Variants in CRTC3 observed in about 807,000 individuals in gnomAD.
CRTC3 encodes the protein CREB-regulated transcription coactivator 3.
CRTC3 carries 26 observed loss-of-function variants against 74.5 expected under a neutral mutation model. The ratio of observed to expected loss-of-function variants is 0.35; its 90% CI spans 0.26 to 0.48. CRTC3 has a LOEUF of 0.48. CRTC3 is among the 20% of genes least tolerant of loss of function. CRTC3 has a pLI of 0.99. For missense variants in CRTC3, 760 were observed against 787.3 expected (o/e 0.97, Z 0.41); for synonymous variants, 377 against 325.8 (o/e 1.16, Z -1.69).
intron 8 of CRTC3, 53 bp from the exon 9 acceptor site, chr15:90,619,688 A>G: frequency 6.5e-7 from 1 of 1,541,346 alleles, no homozygotes; most frequent in Non-Finnish European, 9.0e-7. Context: ...CTTTTCAAAA[A>G]CTTGAATTTG....
At chr15:90,611,868 T>C (rs1431183958) in intron 6 of CRTC3, among the ~76,000 whole-genome samples, 3 of 152,162 alleles carry the variant, frequency 2.0e-5, no homozygotes, top group Non-Finnish European at 4.4e-5. Context: ...TTAACTCTGA[T>C]CATGTCACTT....
In CRTC3 at chr15:90,537,319, G is replaced by A. The variant is rs146986144; in HGVS notation, c.133-2720G>A. Among the ~76,000 whole-genome samples, 506 of 152,316 alleles carry A rather than the reference G, an allele frequency of 3.3e-3. 4 individuals are homozygous for A. The highest frequency in any genetic ancestry group is 0.012 in the African/African-American group (485 of 41,570). On this transcript the variant is annotated intron_variant, in intron 1 of 14. Transcript: ENST00000268184. ...ATCCTCACTTTATCTTGTGCAGGAG[G>A]CGTCAGAGTTGTTTGCCCAACCACA...
chr15:90,603,766 A>G (rs1567180814), intron 4 of CRTC3, among the ~76,000 whole-genome samples: 1 of 152,194 alleles, frequency 6.6e-6, no homozygotes. Context: ...CTGACTGAGA[A>G]CTTACTGTGT....
Position 90,631,072 on chromosome 15 carries a change from C to T in CRTC3, c.1266+1540C>T, listed in dbSNP as rs1191182950. 1.4e-5 allele frequency among the ~76,000 whole-genome samples: 2 copies of T among 143,612 alleles called. 1 individual carries two copies. The highest frequency in any genetic ancestry group is 5.1e-5 in the African/African-American group (2 of 39,250). The allele number at this position is 143,612 out of a possible 152,430, so 94.2% of individuals were successfully genotyped here. ...GATTACAGGCGTGAGCCACCGCGCC[C>T]GGCCTATTACAGCATCATTAACTAC... On this transcript the variant is annotated intron_variant, in intron 11 of 14. Transcript: ENST00000268184.
chr15:90,637,573 T>G (rs1969287032), intron 11 of CRTC3, among the ~76,000 whole-genome samples: 1 of 152,092 alleles, frequency 6.6e-6, no homozygotes, highest in South Asian at 2.1e-4. Context: ...GAAAAAGAAA[T>G]TTCTTCTAAA....
chr15:90,638,664 C>G lies in CRTC3; in HGVS notation c.1467+18C>G, dbSNP rs201691468. On this transcript the variant is annotated intron_variant, in intron 12 of 14. Transcript: ENST00000268184. ...CGGCCCAGGTGAGTTCTGGCAGGAG[C>G]GTTGGTGCAGAGGGAATGCTTGTTT... The G allele has an allele frequency of 8.9e-5, 143 of 1,613,092 alleles. No individual in the cohort carries two copies. The African/African-American group carries it at 1.8e-3, about 20-fold the overall frequency.
At chr15:90,621,282 C>T (rs768733793) in intron 9 of CRTC3, among the ~76,000 whole-genome samples, 13 of 152,090 alleles carry the variant, frequency 8.5e-5, no homozygotes, top group Non-Finnish European at 1.9e-4. Context: ...GTACTTTAGC[C>T]CTCAAGAGGT....
intron 2 of CRTC3, among the ~76,000 whole-genome samples, chr15:90,579,292 T>C (rs35110627): frequency 0.63 from 95,717 of 151,910 alleles, 30,967 homozygotes; most frequent in South Asian, 0.85. Flanking sequence ...TAGGGGGCCC[T>C]GGAACCAATC....
intron 3 of CRTC3, chr15:90,599,559 G>A (rs747461172): frequency 2.6e-5 from 4 of 152,182 alleles, no homozygotes; most frequent in Non-Finnish European, 5.9e-5. Context: ...TATAACATGA[G>A]TGGTTCTCTT....
Position 90,638,364 on chromosome 15 carries a change from C to T in CRTC3, c.1267-82C>T. The T allele has an allele frequency of 4.1e-6, 5 of 1,211,980 alleles. No homozygotes were observed. In the South Asian group the frequency reaches 6.3e-5, roughly 15 times the overall value. The allele number at this position is 1,211,980 out of a possible 1,614,324, so 75.1% of individuals were successfully genotyped here. A position where few individuals can be genotyped will look rare whatever the true frequency, so the allele number is the denominator to read the frequency against. On this transcript the variant is annotated intron_variant, in intron 11 of 14. Transcript: ENST00000268184. ...GTGAGGAAAATCTCAGGCTTCCTCT[C>T]ACTCTGACATTTCCTAATCCTAAAG...
rs11322295 is a variant in CRTC3, at chr15:90,549,704, C to CTT, written c.231+9583_231+9584dup. ...TCACTTATTTTATTTTATTCTTTTTCTTTTTTTTTTTTTTTTTGAGACAGG... is the reference window on the plus strand; with the variant it reads ...TCACTTATTTTATTTTATTCTTTTTCTTTTTTTTTTTTTTTTTTTGAGACAGG... On this transcript the variant is annotated intron_variant, in intron 2 of 14. Coordinates refer to ENST00000268184, the MANE Select transcript of CRTC3 (RefSeq NM_022769.5). Among the ~76,000 whole-genome samples, 922 of 110,014 alleles carry CTT rather than the reference C, an allele frequency of 8.4e-3. 17 individuals carry two copies. The highest frequency in any genetic ancestry group is 0.031 in the African/African-American group (890 of 28,614). 72.2% of individuals were successfully genotyped at this position (110,014 alleles called of 152,430 possible).
At chr15:90,579,634 CTTTTTTTTTTT>C (rs146273285) in intron 2 of CRTC3, among the ~76,000 whole-genome samples, 4 of 84,198 alleles carry the variant, frequency 4.8e-5, no homozygotes, top group East Asian at 8.2e-4. Flanking sequence ...ACGTATTTCA[CTTTTTTTTTTT>C]TTTTTTTTTT....
At chr15:90,636,480 TCAGGACATAGG>T (rs1217867435) in intron 11 of CRTC3, among the ~76,000 whole-genome samples, 2 of 151,284 alleles carry the variant, frequency 1.3e-5, no homozygotes, top group African/African-American at 4.9e-5. Flanking sequence ...GCAATACCAT[TCAGGACATAGG>T]CATGGGCAAG....
rs1274060327 is a variant in CRTC3, at chr15:90,551,930, GCA to G, written c.231+11805_231+11806del. Reference sequence around the variant, plus strand: ...TTACATTACATTACATTACACACACGCACACACACACACGCACACACACACAC... The same window carrying G: ...TTACATTACATTACATTACACACACGCACACACACACGCACACACACACAC... On this transcript the variant is annotated intron_variant, in intron 2 of 14. Transcript: ENST00000268184. Among the ~76,000 whole-genome samples the G allele has an allele frequency of 1.2e-4, 11 of 93,790 alleles. 1 individual carries two copies. The highest frequency in any genetic ancestry group is 3.0e-4 in the African/African-American group (6 of 19,812). 61.5% of individuals were successfully genotyped at this position (93,790 alleles called of 152,430 possible).
At chr15:90,547,985 C>T (rs1367185375) in intron 2 of CRTC3, among the ~76,000 whole-genome samples, 2 of 150,612 alleles carry the variant, frequency 1.3e-5, no homozygotes, top group Non-Finnish European at 2.9e-5. Flanking sequence ...ACCTCCTGGG[C>T]TCAAGGGATC....
At chr15:90,602,518 A>G in intron 4 of CRTC3, 133 bp downstream of exon 4, 1 of 613,368 alleles carries the variant, frequency 1.6e-6, no homozygotes, top group South Asian at 2.0e-5. Flanking sequence ...ATAACATTTA[A>G]TTTCAGTGGG....
In CRTC3 at chr15:90,558,280, T is replaced by C. The variant is rs189396894; in HGVS notation, c.231+18143T>C. On this transcript the variant is annotated intron_variant, in intron 2 of 14. Coordinates refer to ENST00000268184, the MANE Select transcript of CRTC3 (RefSeq NM_022769.5). ...TGCAAGAGCCTCCTGACTGGGCTTCTGGCAGAGGAGTCCTGTCTTCTTTCA... is the reference window on the plus strand; with the variant it reads ...TGCAAGAGCCTCCTGACTGGGCTTCCGGCAGAGGAGTCCTGTCTTCTTTCA... Among the ~76,000 whole-genome samples, 5 of 152,306 alleles carry C rather than the reference T, an allele frequency of 3.3e-5. No homozygotes were observed. The East Asian group carries it at 9.7e-4, about 29-fold the overall frequency.
At chr15:90,533,886 G>A (rs1966674908) in intron 1 of CRTC3, among the ~76,000 whole-genome samples, 2 of 152,078 alleles carry the variant, frequency 1.3e-5, no homozygotes, top group African/African-American at 4.8e-5. Context: ...GTGTGTTGAG[G>A]GAGGGAATAT....
chr15:90,635,359 C>T (rs184224768), intron 11 of CRTC3, among the ~76,000 whole-genome samples: 144 of 152,084 alleles, frequency 9.5e-4, no homozygotes, highest in African/African-American at 3.4e-3. Flanking sequence ...TTACATTCTT[C>T]TCTGGCCAGG....
Sources: gnomAD v4.1 joint callset for allele counts (sites outside exome capture counted in the v4.1 genomes callset) on GRCh38, gnomAD v4.1.1 for gene constraint, MANE v1.5 for transcripts, NCBI Gene and HGNC (gene_info 2026-07-23, HGNC 2026-07-21) for gene names.